Variants in DHX30 observed in about 807,000 individuals in gnomAD.
The protein encoded by DHX30 is DExH-box helicase 30.
Under a neutral mutation model 116.9 loss-of-function variants are expected in DHX30, and 4 were observed. The ratio of observed to expected loss-of-function variants is 0.03; its 90% CI spans 0.02 to 0.08. The LOEUF is 0.08. Ranked by LOEUF, DHX30 falls within the 10% of genes least tolerant of loss-of-function variation. The probability of loss-of-function intolerance (pLI) is 1.00; values close to 1 mark genes in which losing one functional copy is unlikely to be tolerated. For synonymous variants in DHX30, 697 were observed against 651.7 expected, an observed-to-expected ratio of 1.07 and a Z score of -1.06; for missense variants, 871 against 1,595.1, an observed-to-expected ratio of 0.55 and a Z score of 7.73.
intron 4 of DHX30, among the ~76,000 whole-genome samples, chr3:47,821,778 T>C (rs2036312057): frequency 6.6e-6 from 1 of 151,974 alleles, no homozygotes; most frequent in South Asian, 2.1e-4. Context: ...TCTGTATTTT[T>C]AGTAGAGATG....
chr3:47,805,240 C>T, intron 1 of DHX30, 86 bp from the exon 2 acceptor site: 2 of 397,618 alleles, frequency 5.0e-6, no homozygotes. Flanking sequence ...AAAATTTGTC[C>T]TTGTTAGAGC....
intron 1 of DHX30, among the ~76,000 whole-genome samples, chr3:47,803,960 A>C (rs953583440): frequency 2.6e-5 from 4 of 152,176 alleles, no homozygotes; most frequent in African/African-American, 9.7e-5. Flanking sequence ...AGGGTTTGCC[A>C]TACACTAGCA....
At chr3:47,829,316 T>TATATATA (rs139342520) in intron 6 of DHX30, among the ~76,000 whole-genome samples, 182 bp downstream of exon 6, 45 of 33,240 alleles carry the variant, frequency 1.4e-3, no homozygotes, top group African/African-American at 4.3e-3. Context: ...ATATATATAT[T>TATATATA]TTTTTTTTTT....
chr3:47,816,694 C>T lies in DHX30; in HGVS notation c.29-1328C>T, dbSNP rs527360101. The stretch of plus-strand genomic sequence containing the variant: ...TAATGTGAGCAGAGCTGGCAGTTAC[C>T]GAGGAAGCCCAGGTGGAGGTGGAGT... On this transcript the variant is annotated intron_variant, in intron 3 of 21. Coordinates refer to ENST00000445061, the MANE Select transcript of DHX30 (RefSeq NM_138615.3). 2.3e-5 allele frequency: 23 copies of T among 985,488 alleles called. No individual in the cohort carries two copies. In the South Asian group the frequency reaches 5.6e-4, roughly 24 times the overall value. 61.0% of individuals were successfully genotyped at this position (985,488 alleles called of 1,614,324 possible).
chr3:47,836,675 C>T (rs1374440666), intron 6 of DHX30, among the ~76,000 whole-genome samples: 1 of 152,054 alleles, frequency 6.6e-6, no homozygotes. Flanking sequence ...CGCACCACCA[C>T]GCCCAGCTAA....
chr3:47,826,664 C>G (rs1342070783), intron 4 of DHX30, among the ~76,000 whole-genome samples: 3 of 151,946 alleles, frequency 2.0e-5, no homozygotes. Context: ...ACTATGTTGG[C>G]CAGGTTGTCA....
chr3:47,819,613 C>T (rs2036209966), intron 4 of DHX30, among the ~76,000 whole-genome samples: 1 of 152,214 alleles, frequency 6.6e-6, no homozygotes, highest in African/African-American at 2.4e-5. Flanking sequence ...TCCCTAGAGG[C>T]TTCACTGGTG....
intron 1 of DHX30, among the ~76,000 whole-genome samples, chr3:47,805,059 C>T (rs1196243167): frequency 6.6e-6 from 1 of 152,194 alleles, no homozygotes; most frequent in Non-Finnish European, 1.5e-5. Context: ...GCTTTTCAGG[C>T]TTACAAGGCT....
intron 3 of DHX30, among the ~76,000 whole-genome samples, chr3:47,812,663 C>CTTT (rs767722186): frequency 1.4e-5 from 2 of 141,030 alleles, no homozygotes; most frequent in Non-Finnish European, 3.1e-5. Flanking sequence ...ATTACATTTC[C>CTTT]TTTTTTTTTT....
intron 3 of DHX30, among the ~76,000 whole-genome samples, chr3:47,813,923 A>T (rs941204938): frequency 1.2e-5 from 1 of 81,540 alleles, no homozygotes. Context: ...GGCCAGCTGT[A>T]TGTAAGAAGG....
chr3:47,808,686 C>G lies in DHX30; in HGVS notation c.-27-1971C>G, dbSNP rs149212956. On this transcript the variant is annotated intron_variant, in intron 2 of 21. Coordinates refer to ENST00000445061, the MANE Select transcript of DHX30 (RefSeq NM_138615.3). ...CGCTTCTCGGGTTCAAGCGATTCTC[C>G]TGCCTCAGTCCCCTGAGTAGCTGGG... Among the ~76,000 whole-genome samples the G allele has an allele frequency of 2.0e-4, 30 of 151,578 alleles. No homozygotes were observed. In the East Asian group the frequency reaches 5.8e-3, roughly 29 times the overall value.
At chr3:47,830,112 G>A (rs2036775851) in intron 6 of DHX30, among the ~76,000 whole-genome samples, 1 of 150,676 alleles carries the variant, frequency 6.6e-6, no homozygotes, top group Non-Finnish European at 1.5e-5. Flanking sequence ...TTACAGGCAT[G>A]AGCCACCATG....
chr3:47,823,199 C>G (rs995450623), intron 4 of DHX30, among the ~76,000 whole-genome samples: 1 of 151,798 alleles, frequency 6.6e-6, no homozygotes, highest in Non-Finnish European at 1.5e-5. Context: ...ATGGGAGAAA[C>G]CACCCCCATG....
chr3:47,812,456 G>T (rs942212553), intron 3 of DHX30, among the ~76,000 whole-genome samples: 1 of 150,680 alleles, frequency 6.6e-6, no homozygotes, highest in Non-Finnish European at 1.5e-5. Context: ...TACTTGGGAG[G>T]CTAAGGCACG....
intron 2 of DHX30, among the ~76,000 whole-genome samples, chr3:47,806,982 C>T (rs1030491387): frequency 4.6e-5 from 7 of 151,608 alleles, no homozygotes; most frequent in South Asian, 4.2e-4. Flanking sequence ...CTGAGGCGGG[C>T]GGATCACAAG....
intron 4 of DHX30, among the ~76,000 whole-genome samples, chr3:47,820,206 T>C (rs2036236862): frequency 6.6e-6 from 1 of 151,874 alleles, no homozygotes; most frequent in South Asian, 2.1e-4. Context: ...CCCAGCTACT[T>C]GGGAGGCTGA....
chr3:47,831,801 G>A (rs1375345436), intron 6 of DHX30, among the ~76,000 whole-genome samples: 1 of 150,092 alleles, frequency 6.7e-6, no homozygotes, highest in African/African-American at 2.5e-5. Context: ...ATGAGCCACT[G>A]CACCCAGCCT....
chr3:47,808,998 C>T (rs2035661928), intron 2 of DHX30, among the ~76,000 whole-genome samples: 3 of 152,140 alleles, frequency 2.0e-5, no homozygotes, highest in Middle Eastern at 3.4e-3. Flanking sequence ...AAGCGATTCT[C>T]CTGCCCCAGC....
intron 6 of DHX30, among the ~76,000 whole-genome samples, chr3:47,836,187 G>A (rs1238098665): frequency 3.9e-5 from 6 of 151,966 alleles, no homozygotes; most frequent in South Asian, 2.1e-4. Flanking sequence ...GTGCAATGGC[G>A]TGATCTTGGC....
Sources: allele counts gnomAD v4.1 joint callset (sites outside exome capture counted in the v4.1 genomes callset), GRCh38; gene constraint gnomAD v4.1.1; transcripts MANE v1.5; gene names NCBI Gene and HGNC (gene_info 2026-07-23, HGNC 2026-07-21).